GLRA3: variants seen among roughly 807,000 people sequenced by gnomAD.
The protein encoded by GLRA3 is glycine receptor alpha 3, also known as glycine receptor subunit alpha-3.
GLRA3 carries 44 observed loss-of-function variants against 60.4 expected under a neutral mutation model. The observed-to-expected ratio is 0.73, with a 90% CI of 0.57 to 0.94. The LOEUF (loss-of-function observed/expected upper bound fraction) is 0.94. Ranked by LOEUF, GLRA3 falls within the 40% of genes least tolerant of loss-of-function variation. The pLI is 0.00. For synonymous variants in GLRA3, 223 were observed against 192.9 expected (o/e 1.16, Z -1.29); for missense variants, 508 against 564.6 (o/e 0.90, Z 1.02).
chr4:174,702,226 A>T (rs1035573330), intron 5 of GLRA3, among the ~76,000 whole-genome samples: 1 of 152,218 alleles, frequency 6.6e-6, no homozygotes, highest in Non-Finnish European at 1.5e-5. Flanking sequence ...ATCAACACTG[A>T]GGCAAGACCC....
chr4:174,771,916 T>G (rs1375862800), intron 2 of GLRA3, among the ~76,000 whole-genome samples: 1 of 152,156 alleles, frequency 6.6e-6, no homozygotes, highest in Admixed American at 6.6e-5. Context: ...CAGCATAGGC[T>G]TCAAGGTTCT....
chr4:174,735,275 T>A (rs1384240678), intron 3 of GLRA3, among the ~76,000 whole-genome samples: 1 of 152,174 alleles, frequency 6.6e-6, no homozygotes, highest in African/African-American at 2.4e-5. Flanking sequence ...AGTTTCTACA[T>A]CATTTTTCTG....
At chr4:174,720,863 T>C (rs1352786242) in intron 4 of GLRA3, among the ~76,000 whole-genome samples, 3 of 152,164 alleles carry the variant, frequency 2.0e-5, no homozygotes, top group African/African-American at 7.2e-5. Flanking sequence ...AAGCATGATA[T>C]TACAGCAACT....
intron 9 of GLRA3, among the ~76,000 whole-genome samples, chr4:174,650,238 A>T (rs1732979235): frequency 6.6e-6 from 1 of 152,184 alleles, no homozygotes; most frequent in Non-Finnish European, 1.5e-5. Flanking sequence ...CACTGTTAAA[A>T]TTTGGCAGGT....
chr4:174,792,283 G>A (rs1739380045), intron 1 of GLRA3, among the ~76,000 whole-genome samples: 1 of 151,840 alleles, frequency 6.6e-6, no homozygotes. Flanking sequence ...TTGTCAGCAG[G>A]GTTGGTTTCC....
At chr4:174,673,980 A>AT (rs1341848757) in intron 7 of GLRA3, among the ~76,000 whole-genome samples, 6 of 151,880 alleles carry the variant, frequency 4.0e-5, no homozygotes, top group Middle Eastern at 3.2e-3. Flanking sequence ...TTCCAAATAT[A>AT]TTTTTTCAGA....
At chr4:174,716,974 G>A (rs1735942792) in intron 4 of GLRA3, among the ~76,000 whole-genome samples, 1 of 151,990 alleles carries the variant, frequency 6.6e-6, no homozygotes, top group Admixed American at 6.6e-5. Context: ...GCTAAGAAGA[G>A]AGGATCGCTT....
At chr4:174,813,525 T>A (rs574339478) in intron 1 of GLRA3, among the ~76,000 whole-genome samples, 35 of 152,302 alleles carry the variant, frequency 2.3e-4, no homozygotes, top group Middle Eastern at 3.4e-3. Context: ...TGTTGCCTCG[T>A]AACCAGTTGC....
Position 174,783,750 on chromosome 4 carries a change from C to A in GLRA3, c.199+5066G>T, listed in dbSNP as rs908358918. ...ATCATCACTGGCCATCAGAGAAATG[C>A]AAATCAAAACCACAATGAGATACCA... is the stretch of plus-strand genomic sequence containing the variant. On this transcript the variant is annotated intron_variant, in intron 2 of 9. Transcript: ENST00000274093. 3.1e-4 allele frequency among the ~76,000 whole-genome samples: 47 copies of A among 150,748 alleles called. 1 individual carries two copies. Among genetic ancestry groups the A allele is most frequent in the Admixed American group, 1.5e-3 (23 of 15,160 alleles).
At chr4:174,809,041 T>G (rs1740160113) in intron 1 of GLRA3, among the ~76,000 whole-genome samples, 1 of 152,176 alleles carries the variant, frequency 6.6e-6, no homozygotes, top group African/African-American at 2.4e-5. Flanking sequence ...GGCCTTCACA[T>G]TCACTCACCA....
chr4:174,800,401 G>C (rs1739760178), intron 1 of GLRA3, among the ~76,000 whole-genome samples: 1 of 152,130 alleles, frequency 6.6e-6, no homozygotes, highest in African/African-American at 2.4e-5. Flanking sequence ...ATTCAGGAAA[G>C]TGAGGTTTTG....
chr4:174,644,477 C>T (rs1397679936), intron 9 of GLRA3, among the ~76,000 whole-genome samples: 1 of 151,346 alleles, frequency 6.6e-6, no homozygotes, highest in Non-Finnish European at 1.5e-5. Flanking sequence ...GGATCATTGA[C>T]TGAATTTTTC....
chr4:174,806,122 C>T (rs191123073), intron 1 of GLRA3, among the ~76,000 whole-genome samples: 189 of 152,238 alleles, frequency 1.2e-3, no homozygotes, highest in Non-Finnish European at 2.0e-3. Flanking sequence ...TTTGATAAAT[C>T]ACTTTTTTAA....
chr4:174,699,623 A>T (rs1021253960), intron 5 of GLRA3, among the ~76,000 whole-genome samples: 2 of 152,114 alleles, frequency 1.3e-5, no homozygotes, highest in Non-Finnish European at 2.9e-5. Context: ...ATGTTTTCAA[A>T]TGTGGTATAT....
At chr4:174,664,745 T>A (rs938059715) in intron 7 of GLRA3, among the ~76,000 whole-genome samples, 2 of 152,206 alleles carry the variant, frequency 1.3e-5, no homozygotes, top group African/African-American at 4.8e-5. Context: ...GTTAATTTAA[T>A]GTTCAAAATC....
chr4:174,727,579 A>T (rs1371735506), intron 4 of GLRA3, among the ~76,000 whole-genome samples: 1 of 152,218 alleles, frequency 6.6e-6, no homozygotes, highest in African/African-American at 2.4e-5. Context: ...AAACTAAATT[A>T]GAAAAACAAT....
At chr4:174,663,776 T>C (rs1420047136) in intron 7 of GLRA3, among the ~76,000 whole-genome samples, 2 of 152,160 alleles carry the variant, frequency 1.3e-5, no homozygotes, top group African/African-American at 4.8e-5. Flanking sequence ...AACACACTCA[T>C]GACACACAGC....
intron 9 of GLRA3, among the ~76,000 whole-genome samples, chr4:174,645,058 A>G (rs1192742224): frequency 1.3e-5 from 2 of 152,052 alleles, no homozygotes; most frequent in African/African-American, 4.8e-5. Flanking sequence ...AAGTTGTTAT[A>G]TCTCTCCTAT....
intron 2 of GLRA3, among the ~76,000 whole-genome samples, chr4:174,787,528 A>T (rs1739168884): frequency 6.9e-6 from 1 of 144,788 alleles, no homozygotes; most frequent in African/African-American, 2.6e-5. Context: ...TTTGTTTCTC[A>T]TTTTCATTTG....
Sources: gnomAD v4.1 joint callset for allele counts (sites outside exome capture counted in the v4.1 genomes callset) on GRCh38, gnomAD v4.1.1 for gene constraint, MANE v1.5 for transcripts, NCBI Gene and HGNC (gene_info 2026-07-23, HGNC 2026-07-21) for gene names.